The following MSH3 variants were observed in gnomAD, a reference collection of about 807,000 sequenced individuals.
MSH3 encodes mutS homolog 3.
A neutral mutation model predicts 123.3 loss-of-function variants in MSH3; 106 were observed. The ratio of observed to expected loss-of-function variants is 0.86; its 90% CI spans 0.73 to 1.01. The LOEUF (loss-of-function observed/expected upper bound fraction) is 1.01, where lower values mean the gene tolerates loss of function less well. MSH3 is among the 50% of genes least tolerant of loss of function. The pLI, the probability that MSH3 is intolerant of heterozygous loss-of-function variation, is 0.00. For missense variants in MSH3, 1,459 were observed against 1,347.6 expected (o/e 1.08, Z -1.29); for synonymous variants, 515 against 481.4 (o/e 1.07, Z -0.91).
Position 80,694,899 on chromosome 5 carries a change from T to C in MSH3, c.1340+15806T>C, listed in dbSNP as rs1387712006. Reference sequence around the variant, plus strand: ...TTCTTTCTTGCTGCTGTCAAGAATTTTTTTTTTTTTTTTTTTAGTTTTTAG... The same window carrying C: ...TTCTTTCTTGCTGCTGTCAAGAATTCTTTTTTTTTTTTTTTTAGTTTTTAG... On this transcript the variant is annotated intron_variant, in intron 8 of 23. Coordinates refer to ENST00000265081, the MANE Select transcript of MSH3 (RefSeq NM_002439.5). Among the ~76,000 whole-genome samples, 3 of 150,770 alleles carry C rather than the reference T, an allele frequency of 2.0e-5. No homozygotes were observed. The East Asian group carries it at 5.8e-4, about 29-fold the overall frequency.
At chr5:80,869,649 G>T (rs953317694) in intron 22 of MSH3, among the ~76,000 whole-genome samples, 3 of 151,688 alleles carry the variant, frequency 2.0e-5, no homozygotes, top group Non-Finnish European at 4.4e-5. Flanking sequence ...GCAACTGTTT[G>T]TATGTTAACA....
intron 2 of MSH3, among the ~76,000 whole-genome samples, chr5:80,658,035 C>CCTTTTTTT (rs369384745): frequency 1.1e-5 from 1 of 87,216 alleles, no homozygotes. Flanking sequence ...GCTTTTTGCC[C>CCTTTTTTT]TCTTTTTTTT....
chr5:80,684,368 T>C (rs1268268007), intron 8 of MSH3, among the ~76,000 whole-genome samples: 1 of 152,192 alleles, frequency 6.6e-6, no homozygotes, highest in African/African-American at 2.4e-5. Context: ...CAGTGTTTTA[T>C]AGTTTTCATT....
intron 12 of MSH3, among the ~76,000 whole-genome samples, chr5:80,755,341 C>T (rs1043228967): frequency 2.0e-5 from 3 of 152,162 alleles, no homozygotes; most frequent in Admixed American, 6.6e-5. Flanking sequence ...CCTGCACAAA[C>T]GACCTGCAGC....
chr5:80,667,593 G>A (rs1483215048), intron 3 of MSH3, among the ~76,000 whole-genome samples: 1 of 152,230 alleles, frequency 6.6e-6, no homozygotes, highest in Non-Finnish European at 1.5e-5. Context: ...TGAGGGGTGT[G>A]TGAGCAGGTG....
intron 15 of MSH3, among the ~76,000 whole-genome samples, chr5:80,775,436 C>T (rs1310591223): frequency 6.6e-6 from 1 of 151,974 alleles, no homozygotes; most frequent in Non-Finnish European, 1.5e-5. Flanking sequence ...TCAGAGTATA[C>T]ATATAACAAT....
intron 10 of MSH3, among the ~76,000 whole-genome samples, chr5:80,729,772 G>A (rs1743378864): frequency 6.6e-6 from 1 of 152,002 alleles, no homozygotes; most frequent in African/African-American, 2.4e-5. Flanking sequence ...ATAACCATTG[G>A]AATAGAAAAA....
intron 2 of MSH3, among the ~76,000 whole-genome samples, chr5:80,660,610 CTG>C (rs1246010320): frequency 5.9e-5 from 9 of 152,172 alleles, no homozygotes; most frequent in African/African-American, 1.7e-4. Flanking sequence ...AAAAGAGTCA[CTG>C]TATTTCTTCG....
chr5:80,694,134 G>A (rs1053563855), intron 8 of MSH3, among the ~76,000 whole-genome samples: 1 of 152,172 alleles, frequency 6.6e-6, no homozygotes. Flanking sequence ...TTATTCAACT[G>A]ATGCTGCAGG....
chr5:80,863,691 T>G (rs1488499541), intron 21 of MSH3, among the ~76,000 whole-genome samples: 1 of 151,788 alleles, frequency 6.6e-6, no homozygotes, highest in East Asian at 1.9e-4. Context: ...ATACATTGGT[T>G]TGGTTCAGAA....
At chr5:80,749,414 A>G (rs987941237) in intron 12 of MSH3, among the ~76,000 whole-genome samples, 7 of 152,302 alleles carry the variant, frequency 4.6e-5, no homozygotes, top group Admixed American at 2.6e-4. Context: ...TAGTCCTTCC[A>G]TGTTTCTCTG....
At chr5:80,818,372 T>C (rs1199560664) in intron 20 of MSH3, among the ~76,000 whole-genome samples, 2 of 146,974 alleles carry the variant, frequency 1.4e-5, no homozygotes, top group African/African-American at 5.0e-5. Flanking sequence ...GACTGGTGTT[T>C]TTTTTTTTTT....
intron 7 of MSH3, among the ~76,000 whole-genome samples, chr5:80,676,457 G>T (rs1463653970): frequency 6.6e-6 from 1 of 152,170 alleles, no homozygotes; most frequent in East Asian, 1.9e-4. Flanking sequence ...CCCCTTTTCT[G>T]TTGTAAGTTA....
Position 80,669,472 on chromosome 5 carries a change from A to G in MSH3, c.580-625A>G, listed in dbSNP as rs531928920. 9.2e-5 allele frequency among the ~76,000 whole-genome samples: 14 copies of G among 152,366 alleles called. No homozygotes were observed. In the East Asian group the frequency reaches 2.7e-3, roughly 29 times the overall value. On this transcript the variant is annotated intron_variant, in intron 3 of 23. Coordinates refer to ENST00000265081, the MANE Select transcript of MSH3 (RefSeq NM_002439.5). ...TTCCCTAAGCTGTGAATTGGAATTA[A>G]TTATGGTTCCTCACAGAAAGGTAAG...
chr5:80,847,747 G>A (rs1745749548), intron 20 of MSH3, among the ~76,000 whole-genome samples: 1 of 152,070 alleles, frequency 6.6e-6, no homozygotes, highest in South Asian at 2.1e-4. Context: ...TTTCAGCGTA[G>A]GGGCATTTTC....
intron 8 of MSH3, among the ~76,000 whole-genome samples, chr5:80,688,136 T>A (rs571141967): frequency 1.3e-4 from 20 of 152,242 alleles, no homozygotes; most frequent in Non-Finnish European, 2.2e-4. Context: ...CTTAGCTCAT[T>A]GATATCATTT....
chr5:80,859,992 A>G (rs932257651), intron 21 of MSH3, among the ~76,000 whole-genome samples: 2 of 152,122 alleles, frequency 1.3e-5, no homozygotes, highest in Non-Finnish European at 2.9e-5. Context: ...TTCAAATAAC[A>G]CTATATTGCT....
chr5:80,717,398 C>T (rs759064766), intron 8 of MSH3, among the ~76,000 whole-genome samples: 8 of 152,126 alleles, frequency 5.3e-5, no homozygotes, highest in Non-Finnish European at 1.0e-4. Context: ...GCCTGAGTAG[C>T]TGGGACTACA....
intron 20 of MSH3, among the ~76,000 whole-genome samples, chr5:80,842,977 T>C (rs930796275): frequency 6.6e-6 from 1 of 152,198 alleles, no homozygotes; most frequent in Non-Finnish European, 1.5e-5. Flanking sequence ...ATCCTTGTCA[T>C]GTGCCGGTTT....
Sources: allele counts gnomAD v4.1 joint callset (sites outside exome capture counted in the v4.1 genomes callset), GRCh38; gene constraint gnomAD v4.1.1; transcripts MANE v1.5; gene names NCBI Gene and HGNC (gene_info 2026-07-23, HGNC 2026-07-21).